The following GTF2E1 variants were observed in gnomAD, a reference collection of about 807,000 sequenced individuals.
The protein encoded by GTF2E1 is TFIIE alpha subunit.
GTF2E1 carries 14 observed loss-of-function variants against 34.9 expected under a neutral mutation model. That is an observed-to-expected ratio of 0.40 (90% CI 0.27 to 0.63). The LOEUF (loss-of-function observed/expected upper bound fraction) is 0.63, where lower values mean the gene tolerates loss of function less well. Among genes scored for constraint, GTF2E1 ranks in the 20% least tolerant of loss-of-function variants. The pLI is 0.39. For synonymous variants in GTF2E1, 188 were observed against 192.9 expected, an observed-to-expected ratio of 0.97 and a Z score of 0.21; for missense variants, 469 against 557.7, an observed-to-expected ratio of 0.84 and a Z score of 1.60.
intron 2 of GTF2E1, among the ~76,000 whole-genome samples, chr3:120,756,100 A>T (rs1709206882): frequency 6.6e-6 from 1 of 152,044 alleles, no homozygotes; most frequent in South Asian, 2.1e-4. Context: ...TGATATACTG[A>T]TTTCCTTTCT....
chr3:120,746,640 AAC>A (rs1709107608), intron 1 of GTF2E1, among the ~76,000 whole-genome samples: 1 of 152,140 alleles, frequency 6.6e-6, no homozygotes, highest in African/African-American at 2.4e-5. Flanking sequence ...CACTACAAAA[AAC>A]ACAAAAATTA....
chr3:120,776,279 T>C (rs1191733177), intron 3 of GTF2E1, 144 bp from the exon 4 acceptor site: 1 of 711,598 alleles, frequency 1.4e-6, no homozygotes, highest in Non-Finnish European at 2.4e-6. Context: ...AGCACTTTCT[T>C]GGAATTGTTA....
At chr3:120,775,274 A>C (rs1709389362) in intron 3 of GTF2E1, among the ~76,000 whole-genome samples, 1 of 152,200 alleles carries the variant, frequency 6.6e-6, no homozygotes, top group South Asian at 2.1e-4. Flanking sequence ...CACACAGGAG[A>C]TAATTCAGGA....
At chr3:120,743,934 G>C (rs1709081468) in intron 1 of GTF2E1, among the ~76,000 whole-genome samples, 1 of 152,132 alleles carries the variant, frequency 6.6e-6, no homozygotes, top group Non-Finnish European at 1.5e-5. Flanking sequence ...CGTGGGTCTG[G>C]GCTGGGGTAG....
At chr3:120,775,108 T>A (rs567040987) in intron 3 of GTF2E1, among the ~76,000 whole-genome samples, 1 of 151,952 alleles carries the variant, frequency 6.6e-6, no homozygotes, top group South Asian at 2.1e-4. Context: ...TAAGTATGAG[T>A]TAGAAAACCC....
At chr3:120,749,132 A>G (rs1383456889) in intron 1 of GTF2E1, among the ~76,000 whole-genome samples, 5 of 152,236 alleles carry the variant, frequency 3.3e-5, no homozygotes, top group African/African-American at 9.7e-5. Flanking sequence ...GAAGTTGCTT[A>G]TCAGTTTAAG....
chr3:120,763,207 T>G (rs1415009378), intron 2 of GTF2E1, among the ~76,000 whole-genome samples: 1 of 152,220 alleles, frequency 6.6e-6, no homozygotes, highest in Non-Finnish European at 1.5e-5. Flanking sequence ...GGGCCTAATT[T>G]AGATAATTTG....
At chr3:120,762,980 T>C (rs999424459) in intron 2 of GTF2E1, among the ~76,000 whole-genome samples, 1 of 152,206 alleles carries the variant, frequency 6.6e-6, no homozygotes. Context: ...GGTTAGGAAT[T>C]GGGACCCCTC....
At chr3:120,761,508 A>T (rs1473613972) in intron 2 of GTF2E1, among the ~76,000 whole-genome samples, 1 of 151,848 alleles carries the variant, frequency 6.6e-6, no homozygotes, top group Non-Finnish European at 1.5e-5. Context: ...TTTAATTGTG[A>T]TGTTAGGGCA....
At chr3:120,752,210 C>G (rs1226293326) in intron 2 of GTF2E1, among the ~76,000 whole-genome samples, 1 of 152,158 alleles carries the variant, frequency 6.6e-6, no homozygotes, top group Admixed American at 6.6e-5. Context: ...AAGGGCTCCA[C>G]AAGGAGAGAT....
At chr3:120,754,282 C>A (rs868722767) in intron 2 of GTF2E1, among the ~76,000 whole-genome samples, 13 of 152,212 alleles carry the variant, frequency 8.5e-5, no homozygotes, top group Middle Eastern at 3.4e-3. Context: ...AATTATGCAA[C>A]CATAATGCCA....
At chr3:120,759,289 TG>T (rs971251934) in intron 2 of GTF2E1, among the ~76,000 whole-genome samples, 92 of 152,328 alleles carry the variant, frequency 6.0e-4, no homozygotes, top group African/African-American at 2.1e-3. Flanking sequence ...TGGGGTCATT[TG>T]TTTTTTTCTT....
intron 2 of GTF2E1, among the ~76,000 whole-genome samples, chr3:120,760,942 A>T (rs2107608579): frequency 6.6e-6 from 1 of 152,236 alleles, no homozygotes; most frequent in Non-Finnish European, 1.5e-5. Flanking sequence ...AGCCTCATAA[A>T]ATGAGTTAAG....
chr3:120,747,236 T>G (rs1258412637), intron 1 of GTF2E1, among the ~76,000 whole-genome samples: 1 of 150,986 alleles, frequency 6.6e-6, no homozygotes, highest in Non-Finnish European at 1.5e-5. Flanking sequence ...TATTTTTTAT[T>G]TTTATTATTT....
At position 120,750,699 on chromosome 3, in the gene GTF2E1, G is replaced by A; in HGVS notation, c.147G>A (p.Leu49=). 2 of 1,614,010 alleles carry A rather than the reference G, an allele frequency of 1.2e-6. No individual in the cohort carries two copies. The highest frequency in any genetic ancestry group is 1.7e-6 in the Non-Finnish European group (2 of 1,179,938). ...CCTGTGTGAAAGAGGAGGATATGCT[G>A]GAGCTGCTCAAGTTTGATCGGAAGC... is the stretch of plus-strand genomic sequence containing the variant. The part of the protein sequence containing the change: ...RNSCVKEEDM[L]ELLKFDRKQL... Residue 49 remains leucine (L), a synonymous_variant, in exon 2 of 5, where the codon CTG becomes CTA. Transcript: ENST00000283875.
In GTF2E1 at chr3:120,781,117, C is replaced by T. The variant is rs754991941; in HGVS notation, c.967C>T (p.Arg323Ter). ...AGPDDNEEVM[R>*]ALLIHEKKTS... The stretch of plus-strand genomic sequence containing the variant: ...GCCTGATGACAACGAAGAGGTCATG[C>T]GAGCACTGCTCATTCACGAGAAAAA... The change falls in exon 5 of 5, where the codon CGA becomes TGA. Residue 323 changes from arginine (R) to a stop codon, truncating the protein, a stop_gained. Coordinates refer to ENST00000283875, the MANE Select transcript of GTF2E1 (RefSeq NM_005513.3). LOFTEE classifies it high-confidence loss of function. The T allele has an allele frequency of 1.2e-6, 2 of 1,613,782 alleles. No individual in the cohort carries two copies. Among genetic ancestry groups the T allele is most frequent in the Admixed American group, 1.7e-5 (1 of 59,990 alleles).
intron 4 of GTF2E1, among the ~76,000 whole-genome samples, chr3:120,778,189 C>T (rs1158397565): frequency 6.6e-6 from 1 of 152,118 alleles, no homozygotes; most frequent in African/African-American, 2.4e-5. Context: ...TATTATTAAC[C>T]AACATTATAT....
At chr3:120,780,228 G>C (rs1394867320) in intron 4 of GTF2E1, among the ~76,000 whole-genome samples, 1 of 152,146 alleles carries the variant, frequency 6.6e-6, no homozygotes, top group Non-Finnish European at 1.5e-5. Flanking sequence ...TGTTGTGGTA[G>C]AACCTACATC....
chr3:120,767,940 T>C (rs1454797230), intron 2 of GTF2E1, among the ~76,000 whole-genome samples: 1 of 152,144 alleles, frequency 6.6e-6, no homozygotes, highest in Non-Finnish European at 1.5e-5. Context: ...TGTTGTTCTC[T>C]TTCTCTCTTT....
Sources: gnomAD v4.1 joint callset for allele counts (sites outside exome capture counted in the v4.1 genomes callset) on GRCh38, gnomAD v4.1.1 for gene constraint, MANE v1.5 for transcripts, NCBI Gene and HGNC (gene_info 2026-07-23, HGNC 2026-07-21) for gene names.